The following RANBP2 variants were observed in gnomAD, a reference collection of about 807,000 sequenced individuals.
The protein encoded by RANBP2 is E3 SUMO-protein ligase RanBP2.
Under a neutral mutation model 303.6 loss-of-function variants are expected in RANBP2, and 57 were observed. The ratio of observed to expected loss-of-function variants is 0.19; its 90% CI spans 0.15 to 0.23. RANBP2 has a LOEUF of 0.23. Ranked by LOEUF, RANBP2 falls within the 10% of genes least tolerant of loss-of-function variation. The pLI, the probability that RANBP2 is intolerant of heterozygous loss-of-function variation, is 1.00. For missense variants in RANBP2, 3,138 were observed against 3,780.8 expected (o/e 0.83, Z 4.46); for synonymous variants, 1,167 against 1,301.5 (o/e 0.90, Z 2.23).
rs895968968 is a variant in RANBP2, at chr2:108,772,920, G to A, written c.8166G>A (p.Glu2722=). 3.1e-6 allele frequency: 5 copies of A among 1,613,912 alleles called. No individual in the cohort carries two copies. In the African/African-American group the frequency reaches 5.3e-5, roughly 17 times the overall value. The change falls in exon 23 of 29, where the codon GAG becomes GAA. Residue 2722 remains glutamate (E), a synonymous_variant. Coordinates refer to ENST00000283195, the MANE Select transcript of RANBP2 (RefSeq NM_006267.5). ...GGGAAAAGAAACCAACAGTTGAAGAGAAGGCAAAAGCAGATACGTTAAAAC... is the reference window on the plus strand; with the variant it reads ...GGGAAAAGAAACCAACAGTTGAAGAAAAGGCAAAAGCAGATACGTTAAAAC... The part of the protein sequence containing the change: ...IVWEKKPTVE[E]KAKADTLKLP...
At chr2:109,437,992 C>T in the RANBP2 span, among the ~76,000 whole-genome samples, 1 of 152,170 alleles carries the variant, frequency 6.6e-6, no homozygotes, top group Non-Finnish European at 1.5e-5. Context: ...ACCCTGTCCT[C>T]TCAGAAATCA....
chr2:108,815,949 T>A, the RANBP2 span: 2 of 1,607,590 alleles, frequency 1.2e-6, no homozygotes, highest in Admixed American at 3.4e-5. Flanking sequence ...AGGTACCACT[T>A]AATGGGCAAG....
At chr2:108,937,370 G>T in the RANBP2 span, among the ~76,000 whole-genome samples, 2 of 152,174 alleles carry the variant, frequency 1.3e-5, no homozygotes, top group Non-Finnish European at 2.9e-5. Flanking sequence ...ACATATGGGT[G>T]TGAGTGTGTG....
At chr2:109,212,707 G>A in the RANBP2 span, among the ~76,000 whole-genome samples, 1 of 152,198 alleles carries the variant, frequency 6.6e-6, no homozygotes, top group African/African-American at 2.4e-5. Context: ...AGAACTAATT[G>A]TTGTATAATA....
At chr2:108,840,784 A>ATTTCTTTT in the RANBP2 span, among the ~76,000 whole-genome samples, 17,355 of 148,500 alleles carry the variant, frequency 0.12, 1,323 homozygotes, top group African/African-American at 0.21. Context: ...TCTTTGTTTC[A>ATTTCTTTT]TTTCTTTTTT....
the RANBP2 span, among the ~76,000 whole-genome samples, chr2:109,586,283 C>A: frequency 6.6e-6 from 1 of 152,148 alleles, no homozygotes; most frequent in Non-Finnish European, 1.5e-5. Flanking sequence ...AACTTACCTG[C>A]CTACTGGTAA....
chr2:109,332,361 C>T, the RANBP2 span, among the ~76,000 whole-genome samples: 1 of 152,122 alleles, frequency 6.6e-6, no homozygotes, highest in Non-Finnish European at 1.5e-5. Flanking sequence ...GCACTTGCTC[C>T]TTCCTTCTCA....
In RANBP2 at chr2:108,763,643, C is replaced by G; in HGVS notation, c.3104C>G (p.Ser1035Ter). 6.2e-7 allele frequency: 1 copy of G among 1,614,118 alleles called. No individual in the cohort carries two copies. The highest frequency in any genetic ancestry group is 8.5e-7 in the Non-Finnish European group (1 of 1,180,004). Reference protein sequence around the residue: ...TTQPTPFKFNSNFKSNDGDFT... With the variant: ...TTQPTPFKFN The stretch of plus-strand genomic sequence containing the variant: ...CAGCCAACTCCTTTTAAATTTAACT[C>G]AAATTTCAAATCAAATGATGGTGAC... Residue 1035 changes from serine to a stop codon, truncating the protein, a stop_gained, in exon 20 of 29, where the codon TCA (serine) becomes TGA (stop). Transcript: ENST00000283195. LOFTEE classifies it high-confidence loss of function.
chr2:109,208,047 C>T, the RANBP2 span, among the ~76,000 whole-genome samples: 108,431 of 152,152 alleles, frequency 0.71, 38,907 homozygotes, highest in East Asian at 0.89. Flanking sequence ...TTGTTAAATT[C>T]AACAATTCTG....
Position 108,765,654 on chromosome 2 carries a change from C to G in RANBP2, c.5115C>G (p.Ala1705=). The G allele has an allele frequency of 6.3e-7, 1 of 1,579,166 alleles. No homozygotes were observed. Among genetic ancestry groups the G allele is most frequent in the East Asian group, 2.3e-5 (1 of 43,936 alleles). The change falls in exon 20 of 29, where the codon GCC becomes GCG. Residue 1705 remains alanine (A), a synonymous_variant. Coordinates refer to ENST00000283195, the MANE Select transcript of RANBP2 (RefSeq NM_006267.5). The part of the protein sequence containing the change: ...NQTTSAVSTP[A]SSETSKAPKS... ...CTACTTCTGCAGTTTCAACACCTGC[C>G]TCTTCAGAGACAAGCAAGGCTCCAA...
At chr2:108,963,533 G>C in the RANBP2 span, among the ~76,000 whole-genome samples, 1 of 152,158 alleles carries the variant, frequency 6.6e-6, no homozygotes, top group Non-Finnish European at 1.5e-5. Flanking sequence ...GTTTCGTCTG[G>C]TAAAATTACA....
the RANBP2 span, among the ~76,000 whole-genome samples, chr2:109,728,321 A>T: frequency 6.6e-6 from 1 of 152,200 alleles, no homozygotes; most frequent in East Asian, 1.9e-4. Context: ...CAAACTGAAG[A>T]TTCATTAGCA....
the RANBP2 span, among the ~76,000 whole-genome samples, chr2:109,620,689 G>A: frequency 0.01 from 1,588 of 151,988 alleles, 16 homozygotes; most frequent in Middle Eastern, 0.034. Flanking sequence ...GCATCACAGC[G>A]ACTCTGTCTC....
At chr2:109,036,209 A>C in the RANBP2 span, among the ~76,000 whole-genome samples, 1 of 152,222 alleles carries the variant, frequency 6.6e-6, no homozygotes, top group South Asian at 2.1e-4. Context: ...CTGCTACAGA[A>C]ATTAAAGTTA....
rs1457550913 is a variant in RANBP2 at position 108,764,657 on chromosome 2, T to C, written c.4118T>C (p.Val1373Ala). Residue 1373 changes from valine (V) to alanine (A), a missense_variant, in exon 20 of 29, where the codon GTA becomes GCA. By Grantham distance (64) the Val-to-Ala change is moderately conservative (BLOSUM62 0). Around this residue, in one of 20 missense-constraint regions of RANBP2, gnomAD observed 388 missense variants for 328.5 expected, o/e 1.18. Coordinates refer to ENST00000283195, the MANE Select transcript of RANBP2 (RefSeq NM_006267.5). ...AATGCTTCAACTGCTAAGAAATGTGTATCATGCCAAAATCTAAACCCAAGC... is the reference window on the plus strand; with the variant it reads ...AATGCTTCAACTGCTAAGAAATGTGCATCATGCCAAAATCTAAACCCAAGC... ...LKNASTAKKCVSCQNLNPSNK... is the reference protein window; with the variant it reads ...LKNASTAKKCASCQNLNPSNK... 3 of 1,613,944 alleles carry C rather than the reference T, an allele frequency of 1.9e-6. No individual in the cohort carries two copies. The Admixed American group carries it at 5.0e-5, about 27-fold the overall frequency.
chr2:109,297,856 GC>G, the RANBP2 span, among the ~76,000 whole-genome samples: 1 of 149,620 alleles, frequency 6.7e-6, no homozygotes, highest in Non-Finnish European at 1.5e-5. Context: ...GGGCCAGTTC[GC>G]CCCACCCAGG....
the RANBP2 span, among the ~76,000 whole-genome samples, chr2:109,303,138 G>A: frequency 1.3e-5 from 2 of 152,150 alleles, no homozygotes; most frequent in Non-Finnish European, 1.5e-5. Flanking sequence ...AGCCTCACAA[G>A]GTGCTAGGAC....
the RANBP2 span, among the ~76,000 whole-genome samples, chr2:109,622,268 G>T: frequency 6.6e-6 from 1 of 152,182 alleles, no homozygotes; most frequent in Non-Finnish European, 1.5e-5. Context: ...TCAGCTTTGT[G>T]CTCAGGCAGA....
At chr2:109,317,769 G>T in the RANBP2 span, among the ~76,000 whole-genome samples, 1 of 152,194 alleles carries the variant, frequency 6.6e-6, no homozygotes, top group Non-Finnish European at 1.5e-5. Context: ...GCTCGTGAGT[G>T]CCTTTGTAGT....
Sources: allele counts gnomAD v4.1 joint callset (sites outside exome capture counted in the v4.1 genomes callset), GRCh38; gene constraint gnomAD v4.1.1; regional missense constraint gnomAD v4.1.1; transcripts MANE v1.5; gene names NCBI Gene and HGNC (gene_info 2026-07-23, HGNC 2026-07-21).